FABP6: variants seen among roughly 807,000 people sequenced by gnomAD.
FABP6 encodes fatty acid binding protein 6, also known as gastrotropin.
In FABP6, 13 loss-of-function variants were observed where a neutral mutation model predicts 14.9. The observed-to-expected ratio is 0.87, with a 90% CI of 0.57 to 1.39. The LOEUF is 1.39. Ranked by LOEUF, FABP6 falls within the 40% of genes most tolerant of loss-of-function variation. The pLI is 0.00. For missense variants in FABP6, 161 were observed against 167.2 expected (o/e 0.96, Z 0.20); for synonymous variants, 75 against 63.6 (o/e 1.18, Z -0.85).
chr5:160,194,636 G>A (rs373333513), intron 1 of FABP6, among the ~76,000 whole-genome samples: 3 of 152,270 alleles, frequency 2.0e-5, no homozygotes, highest in Middle Eastern at 3.4e-3. Context: ...CACCCTCTGC[G>A]TAGAACACCC....
At chr5:160,237,300 C>G (rs1434603116) in intron 3 of FABP6, among the ~76,000 whole-genome samples, 2 of 152,064 alleles carry the variant, frequency 1.3e-5, no homozygotes, top group Non-Finnish European at 2.9e-5. Context: ...ATCATGGAGC[C>G]CATGTGGTGT....
chr5:160,188,013 A>C (rs1394718157), intron 1 of FABP6, among the ~76,000 whole-genome samples: 1 of 151,886 alleles, frequency 6.6e-6, no homozygotes, highest in South Asian at 2.1e-4. Context: ...CGGCCTCCCA[A>C]AGTGTTGAGA....
chr5:160,223,590 T>C (rs1221140346), intron 3 of FABP6, among the ~76,000 whole-genome samples: 1 of 151,432 alleles, frequency 6.6e-6, no homozygotes, highest in Non-Finnish European at 1.5e-5. Flanking sequence ...CTTGGCTAAT[T>C]TAAACATTTT....
chr5:160,194,175 G>A (rs2901521), intron 1 of FABP6, among the ~76,000 whole-genome samples: 36,094 of 152,238 alleles, frequency 0.24, 4,359 homozygotes, highest in African/African-American at 0.26. Flanking sequence ...CAGCAGGGCC[G>A]GCCGGCTGCT....
At chr5:160,217,591 T>C (rs1338373065) in intron 3 of FABP6, among the ~76,000 whole-genome samples, 1 of 152,102 alleles carries the variant, frequency 6.6e-6, no homozygotes, top group Non-Finnish European at 1.5e-5. Context: ...TTTACAAAAA[T>C]GAACTCATTT....
intron 1 of FABP6, chr5:160,198,603 G>T (rs6888761): frequency 0.89 from 139,788 of 157,620 alleles, 62,104 homozygotes; most frequent in Non-Finnish European, 0.91. Flanking sequence ...CTTCAAGTGT[G>T]CACGGTCCCC....
Position 160,199,155 on chromosome 5 carries a change from C to T in FABP6, c.49C>T (p.Gln17Ter). The T allele has an allele frequency of 1.9e-6, 3 of 1,614,152 alleles. No individual in the cohort carries two copies. Among genetic ancestry groups the T allele is most frequent in the Non-Finnish European group, 2.5e-6 (3 of 1,180,024 alleles). Residue 17 changes from glutamine to a stop codon, truncating the protein, a stop_gained and splice_region_variant, in exon 2 of 7, where the codon CAG becomes TAG. Coordinates refer to the FABP6 transcript ENST00000393980. LOFTEE classifies it high-confidence loss of function. Reference sequence around the variant, plus strand: ...GGTGGTGGAGATGCAGGCGCTGACTCAGGTAGCTCCGTGAAGCTGGAAATA... The same window carrying T: ...GGTGGTGGAGATGCAGGCGCTGACTTAGGTAGCTCCGTGAAGCTGGAAATA...
intron 2 of FABP6, among the ~76,000 whole-genome samples, chr5:160,233,789 T>C (rs1435977555): frequency 1.3e-5 from 2 of 151,864 alleles, no homozygotes; most frequent in Non-Finnish European, 1.5e-5. Flanking sequence ...AGGAGATCGC[T>C]TGAACCCTGG....
chr5:160,217,180 G>C (rs6891770), intron 3 of FABP6, among the ~76,000 whole-genome samples: 126,153 of 152,122 alleles, frequency 0.83, 52,732 homozygotes, highest in Non-Finnish European at 0.86. Flanking sequence ...ATGCTCCATG[G>C]GGGCAGCAAG....
intron 2 of FABP6, among the ~76,000 whole-genome samples, chr5:160,202,366 C>T (rs1365498869): frequency 2.0e-5 from 3 of 152,136 alleles, no homozygotes; most frequent in Non-Finnish European, 2.9e-5. Context: ...CAAATATATA[C>T]AAACATACAA....
At chr5:160,196,375 G>A (rs1397837462) in intron 1 of FABP6, among the ~76,000 whole-genome samples, 1 of 152,182 alleles carries the variant, frequency 6.6e-6, no homozygotes, top group African/African-American at 2.4e-5. Flanking sequence ...AACAACAGGA[G>A]GCCCCAAAAA....
intron 2 of FABP6, among the ~76,000 whole-genome samples, chr5:160,208,476 G>A (rs2113096423): frequency 6.6e-6 from 1 of 152,204 alleles, no homozygotes; most frequent in South Asian, 2.1e-4. Context: ...CATTGCAATA[G>A]TTTGAATGTT....
At chr5:160,214,286 C>T (rs761247029) in intron 3 of FABP6, among the ~76,000 whole-genome samples, 1 of 151,966 alleles carries the variant, frequency 6.6e-6, no homozygotes, top group Non-Finnish European at 1.5e-5. Flanking sequence ...GCCTCAGCCT[C>T]CCTATTAGCT....
At chr5:160,206,701 T>G (rs1436056814) in intron 2 of FABP6, among the ~76,000 whole-genome samples, 1 of 152,128 alleles carries the variant, frequency 6.6e-6, no homozygotes, top group Non-Finnish European at 1.5e-5. Context: ...AGCCACAAAG[T>G]GCATACCCAC....
chr5:160,222,095 C>CTTTTT lies in FABP6; in HGVS notation c.136-7438_136-7434dup, dbSNP rs202190021. 6.2e-3 allele frequency among the ~76,000 whole-genome samples: 804 copies of CTTTTT among 130,292 alleles called. 6 individuals are homozygous for CTTTTT. The highest frequency in any genetic ancestry group is 0.018 in the South Asian group (73 of 4,164). 85.5% of individuals were successfully genotyped at this position (130,292 alleles called of 152,430 possible). A position where few individuals can be genotyped will look rare whatever the true frequency, so the allele number is the denominator to read the frequency against. On this transcript the variant is annotated intron_variant, in intron 3 of 6. Transcript: ENST00000393980. The stretch of plus-strand genomic sequence containing the variant: ...TTGTTCTTTCCAAATTTTTTCTTTT[C>CTTTTT]TTTTTTTTTTTTTTTTTAGACAGGG...
intron 1 of FABP6, 29 bp downstream of exon 1, chr5:160,229,653 C>T (rs190856833): frequency 2.6e-5 from 42 of 1,611,306 alleles, no homozygotes; most frequent in African/African-American, 1.9e-4. Flanking sequence ...ATCCCTTCCT[C>T]GGGGTTGGTT....
chr5:160,222,655 T>C (rs1213564970), intron 3 of FABP6, among the ~76,000 whole-genome samples: 1 of 152,158 alleles, frequency 6.6e-6, no homozygotes, highest in Non-Finnish European at 1.5e-5. Flanking sequence ...ACTATGAAGA[T>C]ATGTTACTTT....
At chr5:160,218,299 C>G (rs1228992522) in intron 3 of FABP6, among the ~76,000 whole-genome samples, 1 of 152,008 alleles carries the variant, frequency 6.6e-6, no homozygotes, top group Non-Finnish European at 1.5e-5. Flanking sequence ...GATGAGAAAA[C>G]TGAGACACAA....
At chr5:160,230,508 G>A (rs939410732) in intron 1 of FABP6, among the ~76,000 whole-genome samples, 1 of 152,054 alleles carries the variant, frequency 6.6e-6, no homozygotes, top group Non-Finnish European at 1.5e-5. Context: ...CTACAGGCAT[G>A]TGCCACCACA....
Sources: allele counts gnomAD v4.1 joint callset (sites outside exome capture counted in the v4.1 genomes callset), GRCh38; gene constraint gnomAD v4.1.1; transcripts MANE v1.5; gene names NCBI Gene and HGNC (gene_info 2026-07-23, HGNC 2026-07-21).